CCDC88C: variants seen among roughly 807,000 people sequenced by gnomAD.
CCDC88C encodes protein Daple.
In CCDC88C, 131 loss-of-function variants were observed where a neutral mutation model predicts 198.8. The observed-to-expected ratio is 0.66, with a 90% CI of 0.57 to 0.76. CCDC88C has a LOEUF of 0.76. Ranked by LOEUF, CCDC88C falls within the 30% of genes least tolerant of loss-of-function variation. The pLI, the probability that CCDC88C is intolerant of heterozygous loss-of-function variation, is 0.00. For synonymous variants in CCDC88C, 1,166 were observed against 1,114.7 expected, an observed-to-expected ratio of 1.05 and a Z score of -0.92; for missense variants, 2,553 against 2,631.6, an observed-to-expected ratio of 0.97 and a Z score of 0.65.
At chr14:91,344,420 G>T (rs1893433344) in intron 4 of CCDC88C, among the ~76,000 whole-genome samples, 1 of 151,916 alleles carries the variant, frequency 6.6e-6, no homozygotes, top group Admixed American at 6.6e-5. Context: ...TCAACATTCT[G>T]CACCTCTCAC....
chr14:91,366,153 T>TACACACACACACACAC (rs57281083), intron 3 of CCDC88C, among the ~76,000 whole-genome samples: 11 of 136,374 alleles, frequency 8.1e-5, no homozygotes, highest in Non-Finnish European at 1.4e-4. Context: ...ACTTAAAAAA[T>TACACACACACACACAC]ACACACACAC....
chr14:91,349,060 T>C (rs1396276641), intron 4 of CCDC88C, among the ~76,000 whole-genome samples: 1 of 152,160 alleles, frequency 6.6e-6, no homozygotes, highest in Non-Finnish European at 1.5e-5. Context: ...ATTGTGGGTT[T>C]TGAATAGTTT....
intron 15 of CCDC88C, 149 bp from the exon 16 acceptor site, chr14:91,310,135 T>C (rs1396187519): frequency 4.3e-5 from 33 of 768,826 alleles, no homozygotes; most frequent in Non-Finnish European, 6.4e-5. Flanking sequence ...CCAGGGATGC[T>C]CTTCCCGAGG....
At chr14:91,394,153 A>G (rs1007734425) in intron 3 of CCDC88C, among the ~76,000 whole-genome samples, 6 of 152,212 alleles carry the variant, frequency 3.9e-5, no homozygotes, top group Non-Finnish European at 7.3e-5. Context: ...AGCTGGCTAG[A>G]CAAAGTTGAA....
Position 91,288,284 on chromosome 14 carries a change from T to G in CCDC88C, c.4441+821A>C, listed in dbSNP as rs1890505646. Among the ~76,000 whole-genome samples the G allele has an allele frequency of 1.3e-5, 2 of 152,166 alleles. No homozygotes were observed. Among genetic ancestry groups the G allele is most frequent in the Admixed American group, 1.3e-4 (2 of 15,290 alleles). The stretch of plus-strand genomic sequence containing the variant: ...TCTTGTTTCAGAACCTCTGGCAAAC[T>G]CCAAAGGACAGCCCTTAGGGAAAAG... On this transcript the variant is annotated intron_variant, in intron 25 of 29. Coordinates refer to ENST00000389857, the MANE Select transcript of CCDC88C (RefSeq NM_001080414.4). This position sits in a 1 kb window ranked among gnomAD's most constrained non-coding sequence, Gnocchi z 4.2.
chr14:91,336,657 C>A (rs1351210919), intron 10 of CCDC88C, among the ~76,000 whole-genome samples: 2 of 152,254 alleles, frequency 1.3e-5, no homozygotes, highest in Admixed American at 6.5e-5. Context: ...CCTCCCCACC[C>A]CTCGCCCAGG....
chr14:91,299,827 G>C (rs1596041016), intron 21 of CCDC88C, 100 bp downstream of exon 21: 1 of 1,383,764 alleles, frequency 7.2e-7, no homozygotes, highest in Admixed American at 2.8e-5. Flanking sequence ...AAAAATCCAC[G>C]ATCGCCAGGG....
chr14:91,298,626 G>C lies in CCDC88C; in HGVS notation c.3780-1135C>G, dbSNP rs573461985. ...TCTCTTAAAATATAAAAAACAAAAG[G>C]CTGCCCAGGCAGTCCCGGGCCCGCC... is the stretch of plus-strand genomic sequence containing the variant. On this transcript the variant is annotated intron_variant, in intron 21 of 29. Transcript: ENST00000389857. 2.6e-5 allele frequency among the ~76,000 whole-genome samples: 4 copies of C among 152,144 alleles called. No individual in the cohort carries two copies. The South Asian group carries it at 8.3e-4, about 32-fold the overall frequency.
intron 3 of CCDC88C, among the ~76,000 whole-genome samples, chr14:91,372,056 G>A (rs746189614): frequency 6.6e-5 from 10 of 152,130 alleles, no homozygotes; most frequent in African/African-American, 1.4e-4. Context: ...CAGCACTCCC[G>A]AGTGACCAGG....
chr14:91,272,366 G>T lies in CCDC88C; in HGVS notation c.*259C>A. 1 of 508,744 alleles carries T rather than the reference G, an allele frequency of 2.0e-6. No homozygotes were observed. Among genetic ancestry groups the T allele is most frequent in the Non-Finnish European group, 3.5e-6 (1 of 287,228 alleles). 31.5% of individuals were successfully genotyped at this position (508,744 alleles called of 1,614,324 possible). On this transcript the variant is annotated 3_prime_UTR_variant, in exon 30 of 30. Coordinates refer to ENST00000389857, the MANE Select transcript of CCDC88C (RefSeq NM_001080414.4). Reference sequence around the variant, plus strand: ...TCATTGCATCCTAATTGGTCCCCATGCTGACGTGGATTATTTGTTCCAAAG... The same window carrying T: ...TCATTGCATCCTAATTGGTCCCCATTCTGACGTGGATTATTTGTTCCAAAG...
chr14:91,391,445 C>T (rs934960978), intron 3 of CCDC88C, among the ~76,000 whole-genome samples: 5 of 152,124 alleles, frequency 3.3e-5, no homozygotes, highest in African/African-American at 4.8e-5. Context: ...AAATTCTGTA[C>T]CCCTTACACA....
At chr14:91,385,386 C>T (rs1885070021) in intron 3 of CCDC88C, among the ~76,000 whole-genome samples, 1 of 151,338 alleles carries the variant, frequency 6.6e-6, no homozygotes, top group African/African-American at 2.4e-5. Flanking sequence ...TTCTGACAGA[C>T]AGCAGCACCC....
chr14:91,276,115 C>T (rs1251258614), intron 29 of CCDC88C, among the ~76,000 whole-genome samples: 2 of 152,020 alleles, frequency 1.3e-5, no homozygotes, highest in African/African-American at 4.8e-5. Flanking sequence ...CCACCGCGCC[C>T]GGCCAGACCA....
At chr14:91,305,716 T>A in intron 19 of CCDC88C, 49 bp downstream of exon 19, 1 of 1,561,304 alleles carries the variant, frequency 6.4e-7, no homozygotes, top group Non-Finnish European at 8.7e-7. Flanking sequence ...GAGCCACAGA[T>A]AAACATCCCG....
In CCDC88C at chr14:91,321,270, T is replaced by C; in HGVS notation, c.1377A>G (p.Glu459=). Residue 459 remains glutamate (E), a synonymous_variant, in exon 13 of 30, where the codon GAA becomes GAG. Transcript: ENST00000389857. ...GCTTCAGGATGCGGCTGGACGCACATTCGTTCAGCTCAAACACAAACGACT... is the reference window on the plus strand; with the variant it reads ...GCTTCAGGATGCGGCTGGACGCACACTCGTTCAGCTCAAACACAAACGACT... ...SRKSFVFELN[E]CASSRILKLE... 6.4e-7 allele frequency: 1 copy of C among 1,569,772 alleles called. No individual in the cohort carries two copies. Among genetic ancestry groups the C allele is most frequent in the Non-Finnish European group, 8.6e-7 (1 of 1,156,578 alleles).
chr14:91,393,540 G>A (rs1207932578), intron 3 of CCDC88C, among the ~76,000 whole-genome samples: 1 of 152,188 alleles, frequency 6.6e-6, no homozygotes, highest in Non-Finnish European at 1.5e-5. Context: ...GCCCCAGGTG[G>A]TTATCAAAAT....
chr14:91,295,675 G>C (rs898111597), intron 22 of CCDC88C, among the ~76,000 whole-genome samples: 1 of 152,262 alleles, frequency 6.6e-6, no homozygotes, highest in Non-Finnish European at 1.5e-5. Context: ...GAGAGAGGCG[G>C]GTTAGGAGGA....
At chr14:91,398,863 G>A (rs896891346) in intron 3 of CCDC88C, among the ~76,000 whole-genome samples, 1 of 152,142 alleles carries the variant, frequency 6.6e-6, no homozygotes, top group Non-Finnish European at 1.5e-5. Flanking sequence ...GGGGCGCACA[G>A]GTCTGCTGCA....
Position 91,277,911 on chromosome 14 carries a change from G to T in CCDC88C, c.5058+11C>A. 1 of 1,484,224 alleles carries T rather than the reference G, an allele frequency of 6.7e-7. No homozygotes were observed. Among genetic ancestry groups the T allele is most frequent in the Middle Eastern group, 1.8e-4 (1 of 5,652 alleles). The allele number at this position is 1,484,224 out of a possible 1,614,324, so 91.9% of individuals were successfully genotyped here. ...AGAGAGACGGGCCAAGTCCGTGTCCGGATCACTCACATGGGTGGGGGAGCT... is the reference window on the plus strand; with the variant it reads ...AGAGAGACGGGCCAAGTCCGTGTCCTGATCACTCACATGGGTGGGGGAGCT... On this transcript the variant is annotated intron_variant, in intron 29 of 29. Transcript: ENST00000389857.
Sources: allele counts gnomAD v4.1 joint callset (sites outside exome capture counted in the v4.1 genomes callset), GRCh38; gene constraint gnomAD v4.1.1; non-coding constraint Gnocchi (gnomAD v3.1); transcripts MANE v1.5; gene names NCBI Gene and HGNC (gene_info 2026-07-23, HGNC 2026-07-21).